The following VXN variants were observed in gnomAD, a reference collection of about 807,000 sequenced individuals.
VXN encodes the protein uncharacterized protein C8orf46.
Under a neutral mutation model 23.1 loss-of-function variants are expected in VXN, and 7 were observed. The observed-to-expected ratio is 0.30, with a 90% CI of 0.17 to 0.57. The LOEUF is 0.57. Ranked by LOEUF, VXN falls within the 20% of genes least tolerant of loss-of-function variation. The pLI is 0.91. For synonymous variants in VXN, 120 were observed against 105.8 expected (o/e 1.13, Z -0.83); for missense variants, 238 against 272.6 (o/e 0.87, Z 0.89).
rs1807895286 is a variant in VXN at position 66,516,297 on chromosome 8, TG to T, written c.*222del. 1 of 383,380 alleles carries T rather than the reference TG, an allele frequency of 2.6e-6. No individual in the cohort carries two copies. The highest frequency in any genetic ancestry group is 2.1e-5 in the African/African-American group (1 of 48,148). The allele number at this position is 383,380 out of a possible 1,614,324, so 23.7% of individuals were successfully genotyped here. A position where few individuals can be genotyped will look rare whatever the true frequency, so the allele number is the denominator to read the frequency against. On this transcript the variant is annotated 3_prime_UTR_variant, in exon 6 of 6. Coordinates refer to ENST00000305454, the MANE Select transcript of VXN (RefSeq NM_152765.4). ...CTTAGAATTGCTAAAGCCATTGGTC[TG>T]AAAGTGACTTTGGGAGGTCATAAAG... is the stretch of plus-strand genomic sequence containing the variant.
Position 66,510,137 on chromosome 8 carries a change from C to T in VXN, c.322C>T (p.Arg108Ter), listed in dbSNP as rs546773714. ...EPKTSNLCGN[R>*]AYGKSLIPPV... The stretch of plus-strand genomic sequence containing the variant: ...CAAAACATCAAATCTGTGTGGGAAT[C>T]GAGCATATGGAAAATCTCTGGTAAG... The change falls in exon 4 of 6, where the codon CGA (arginine) becomes TGA (stop). Residue 108 changes from arginine (R) to a stop codon, truncating the protein, a stop_gained. Coordinates refer to ENST00000305454, the MANE Select transcript of VXN (RefSeq NM_152765.4). LOFTEE classifies it high-confidence loss of function. 2 of 1,612,712 alleles carry T rather than the reference C, an allele frequency of 1.2e-6. No homozygotes were observed. Among genetic ancestry groups the T allele is most frequent in the Admixed American group, 1.7e-5 (1 of 59,710 alleles).
At chr8:66,514,627 G>A (rs1807864627) in intron 5 of VXN, among the ~76,000 whole-genome samples, 2 of 152,146 alleles carry the variant, frequency 1.3e-5, no homozygotes, top group South Asian at 4.2e-4. Context: ...ATGGGTTTTT[G>A]CCATGTTGGA....
chr8:66,505,491 G>C lies in VXN; in HGVS notation c.243G>C (p.Pro81=), dbSNP rs753064397. Residue 81 remains proline, a synonymous_variant, in exon 3 of 6, where the codon CCG becomes CCC. Transcript: ENST00000305454. ...TTGGGCGGCTCCAGACCGCGCGGCC[G>C]CCCACAGCCCACCCGGCCAAAGCCT... The part of the protein sequence containing the change: ...RRFGRLQTAR[P]PTAHPAKASA... The C allele has an allele frequency of 4.5e-6, 7 of 1,555,626 alleles. No individual in the cohort carries two copies. Among genetic ancestry groups the C allele is most frequent in the Non-Finnish European group, 6.1e-6 (7 of 1,153,022 alleles).
chr8:66,518,468 G>A lies in VXN; in HGVS notation c.*2392G>A, dbSNP rs1209166542. On this transcript the variant is annotated 3_prime_UTR_variant, in exon 6 of 6. Coordinates refer to ENST00000305454, the MANE Select transcript of VXN (RefSeq NM_152765.4). The stretch of plus-strand genomic sequence containing the variant: ...TGCCTTGTATGGAACATTTTACTTG[G>A]CCAATTCAAATAAAAATAAAGTCAG... 9.9e-5 allele frequency: 15 copies of A among 151,962 alleles called. No homozygotes were observed. The highest frequency in any genetic ancestry group is 9.8e-4 in the Admixed American group (15 of 15,248). 9.4% of individuals were successfully genotyped at this position (151,962 alleles called of 1,614,324 possible).
At position 66,516,097 on chromosome 8, in the gene VXN, C is replaced by T; in HGVS notation, c.*21C>T. The stretch of plus-strand genomic sequence containing the variant: ...ACTAAAGGTGACCCTCTTCAAGTGC[C>T]CTGTGTTGGCCAAGGTTCCCCGGAC... On this transcript the variant is annotated 3_prime_UTR_variant, in exon 6 of 6. Transcript: ENST00000305454. The T allele has an allele frequency of 6.4e-7, 1 of 1,573,442 alleles. No individual in the cohort carries two copies. Among genetic ancestry groups the T allele is most frequent in the Non-Finnish European group, 8.6e-7 (1 of 1,164,618 alleles).
chr8:66,502,867 G>A (rs1483042386), intron 2 of VXN, among the ~76,000 whole-genome samples: 4 of 147,514 alleles, frequency 2.7e-5, no homozygotes, highest in African/African-American at 1.0e-4. Flanking sequence ...TTTTTTTTAA[G>A]ATGGGGTCTC....
chr8:66,508,083 C>T (rs887524774), intron 3 of VXN, among the ~76,000 whole-genome samples: 3 of 151,996 alleles, frequency 2.0e-5, no homozygotes, highest in Non-Finnish European at 4.4e-5. Context: ...CAGAGATGTC[C>T]TCAGGCACCT....
intron 4 of VXN, among the ~76,000 whole-genome samples, chr8:66,511,955 A>T (rs766736971): frequency 6.6e-6 from 1 of 151,746 alleles, no homozygotes; most frequent in Non-Finnish European, 1.5e-5. Flanking sequence ...GATCCCAGCT[A>T]CTCGGGAGGC....
intron 2 of VXN, among the ~76,000 whole-genome samples, chr8:66,498,324 C>A (rs933426937): frequency 2.6e-5 from 4 of 151,950 alleles, no homozygotes; most frequent in Admixed American, 6.6e-5. Flanking sequence ...AACAGTGAGA[C>A]CCTGCCTCAA....
intron 5 of VXN, 35 bp downstream of exon 5, chr8:66,513,672 C>A: frequency 1.3e-6 from 2 of 1,564,206 alleles, no homozygotes; most frequent in East Asian, 2.2e-5. Flanking sequence ...CTGCCTGTGG[C>A]CTCCCACTGT....
At chr8:66,496,995 C>G (rs934589824) in intron 2 of VXN, among the ~76,000 whole-genome samples, 20 of 152,320 alleles carry the variant, frequency 1.3e-4, no homozygotes, top group African/African-American at 4.6e-4. Flanking sequence ...AGGGATTCCC[C>G]TGCCTCAGCC....
intron 2 of VXN, among the ~76,000 whole-genome samples, chr8:66,500,206 T>C (rs1807675370): frequency 6.6e-6 from 1 of 152,228 alleles, no homozygotes; most frequent in Admixed American, 6.5e-5. Context: ...TATTTTTATG[T>C]TCTTAAATGA....
Position 66,516,190 on chromosome 8 carries a change from T to G in VXN, c.*114T>G, listed in dbSNP as rs935636144. On this transcript the variant is annotated 3_prime_UTR_variant, in exon 6 of 6. Transcript: ENST00000305454. ...TCTGCTAGTAGCTGGTCCAAACCCA[T>G]TATCCTCCCTCACTCATTGATTACC... 1 of 910,366 alleles carries G rather than the reference T, an allele frequency of 1.1e-6. No individual in the cohort carries two copies. 56.4% of individuals were successfully genotyped at this position (910,366 alleles called of 1,614,324 possible).
chr8:66,497,824 C>T (rs918770070), intron 2 of VXN, among the ~76,000 whole-genome samples: 1 of 152,118 alleles, frequency 6.6e-6, no homozygotes, highest in Non-Finnish European at 1.5e-5. Flanking sequence ...CCCAAGAATT[C>T]GAGGCCAGCC....
intron 5 of VXN, 22 bp from the exon 6 acceptor site, chr8:66,515,870 AC>A: frequency 6.5e-7 from 1 of 1,538,190 alleles, no homozygotes; most frequent in Non-Finnish European, 8.7e-7. Flanking sequence ...CACCCTCCCC[AC>A]CCACTCCTGG....
intron 2 of VXN, chr8:66,501,240 C>G (rs1807688857): frequency 1.3e-5 from 2 of 152,142 alleles, no homozygotes; most frequent in Non-Finnish European, 2.9e-5. Flanking sequence ...TGCGTGTTAC[C>G]CTTGCACAGT....
intron 2 of VXN, among the ~76,000 whole-genome samples, chr8:66,501,010 C>T (rs1807685558): frequency 6.6e-6 from 1 of 151,714 alleles, no homozygotes; most frequent in South Asian, 2.1e-4. Context: ...GTAGCTGGGA[C>T]TACAGGTGCC....
At chr8:66,494,663 T>C (rs1807606004) in intron 1 of VXN, 1 of 152,216 alleles carries the variant, frequency 6.6e-6, no homozygotes, top group Non-Finnish European at 1.5e-5. Context: ...AATTAAGCTT[T>C]AGACATTTAC....
intron 3 of VXN, among the ~76,000 whole-genome samples, chr8:66,505,777 C>T (rs902669483): frequency 3.9e-5 from 6 of 152,204 alleles, no homozygotes; most frequent in Admixed American, 3.3e-4. Context: ...GCGTAATGAG[C>T]AAAGATGCTC....
Sources: allele counts gnomAD v4.1 joint callset (sites outside exome capture counted in the v4.1 genomes callset), GRCh38; gene constraint gnomAD v4.1.1; transcripts MANE v1.5; gene names NCBI Gene and HGNC (gene_info 2026-07-23, HGNC 2026-07-21).